DPP6: variants seen among roughly 807,000 people sequenced by gnomAD.
The protein encoded by DPP6 is A-type potassium channel modulatory protein DPP6.
A neutral mutation model predicts 122.6 loss-of-function variants in DPP6; 69 were observed. The ratio of observed to expected loss-of-function variants is 0.56; its 90% CI spans 0.46 to 0.69. DPP6 has a LOEUF of 0.69. DPP6 is among the 30% of genes least tolerant of loss of function. The pLI is 0.00. For missense variants in DPP6, 928 were observed against 1,116.9 expected (o/e 0.83, Z 2.41); for synonymous variants, 418 against 433.1 (o/e 0.97, Z 0.43).
Position 154,868,047 on chromosome 7 carries a change from A to G in DPP6, c.1767A>G (p.Arg589=), listed in dbSNP as rs746322800. Reference sequence around the variant, plus strand: ...ATGTCAAGAAGGCCATAAATGACCGACAGATGCCTAAAGTGGAATACAGGG... The same window carrying G: ...ATGTCAAGAAGGCCATAAATGACCGGCAGATGCCTAAAGTGGAATACAGGG... ...NEHVKKAIND[R]QMPKVEYRDI... Residue 589 remains arginine (R), a synonymous_variant, in exon 18 of 26, where the codon CGA becomes CGG. Transcript: ENST00000377770. The G allele has an allele frequency of 6.2e-7, 1 of 1,609,830 alleles. No homozygotes were observed. The highest frequency in any genetic ancestry group is 1.1e-5 in the South Asian group (1 of 89,522).
intron 1 of DPP6, among the ~76,000 whole-genome samples, chr7:154,311,768 T>G (rs1806914109): frequency 6.6e-6 from 1 of 152,164 alleles, no homozygotes. Context: ...GGTAGGCCCT[T>G]AATCTCCACT....
At chr7:154,531,512 C>A (rs1358324595) in intron 3 of DPP6, among the ~76,000 whole-genome samples, 3 of 152,062 alleles carry the variant, frequency 2.0e-5, no homozygotes, top group Non-Finnish European at 1.5e-5. Context: ...TGCCAGCAGA[C>A]CCATACAAAA....
Position 154,498,618 on chromosome 7 carries a change from G to A in DPP6, c.457+23581G>A, listed in dbSNP as rs145054317. Among the ~76,000 whole-genome samples, 719 of 152,198 alleles carry A rather than the reference G, an allele frequency of 4.7e-3. 3 individuals carry two copies. The highest frequency in any genetic ancestry group is 0.014 in the Middle Eastern group (4 of 294). On this transcript the variant is annotated intron_variant, in intron 3 of 25. Transcript: ENST00000377770. ...CTCCCAAAGTGCTGAGATTACAGGCGTGAGCCACCAAGCCCAGCCAGATAG... is the reference window on the plus strand; with the variant it reads ...CTCCCAAAGTGCTGAGATTACAGGCATGAGCCACCAAGCCCAGCCAGATAG...
chr7:153,920,563 C>CTTTTTTTTTTTTTTTTTTT (rs61553100), intron 1 of DPP6, among the ~76,000 whole-genome samples: 19 of 88,680 alleles, frequency 2.1e-4, no homozygotes, highest in East Asian at 3.3e-4. Flanking sequence ...TTATCTCTCT[C>CTTTTTTTTTTTTTTTTTTT]TTTTTTTTTT....
At chr7:154,597,799 T>A (rs1833191797) in intron 5 of DPP6, among the ~76,000 whole-genome samples, 1 of 152,158 alleles carries the variant, frequency 6.6e-6, no homozygotes, top group Non-Finnish European at 1.5e-5. Flanking sequence ...GCCTCCTTCC[T>A]GCATCTGGTG....
chr7:154,566,447 A>G (rs1035454072), intron 4 of DPP6, among the ~76,000 whole-genome samples: 4 of 151,926 alleles, frequency 2.6e-5, no homozygotes, highest in African/African-American at 9.7e-5. Context: ...ACACCTAGCT[A>G]ATTTTGTATT....
intron 5 of DPP6, among the ~76,000 whole-genome samples, chr7:154,595,136 C>T (rs1833018125): frequency 6.6e-6 from 1 of 152,108 alleles, no homozygotes; most frequent in African/African-American, 2.4e-5. Flanking sequence ...TGTGTCTGTG[C>T]TCACACTGGC....
the DPP6 span, among the ~76,000 whole-genome samples, chr7:153,835,407 A>T: frequency 6.6e-6 from 1 of 152,146 alleles, no homozygotes; most frequent in African/African-American, 2.4e-5. Context: ...GAAAAAAAAA[A>T]AAGGATCTGT....
intron 3 of DPP6, among the ~76,000 whole-genome samples, chr7:154,485,703 T>TTTC (rs1823725744): frequency 6.6e-6 from 1 of 152,214 alleles, no homozygotes; most frequent in Admixed American, 6.5e-5. Flanking sequence ...GCGGAAGCAA[T>TTTC]AATTGCAACA....
At chr7:154,090,925 C>T (rs1256353750) in intron 1 of DPP6, among the ~76,000 whole-genome samples, 3 of 149,042 alleles carry the variant, frequency 2.0e-5, no homozygotes, top group Non-Finnish European at 4.5e-5. Context: ...TCGAGACCAT[C>T]CTGGCTAACA....
Position 154,481,664 on chromosome 7 carries a change from C to T in DPP6, c.457+6627C>T, listed in dbSNP as rs989874547. Among the ~76,000 whole-genome samples, 10 of 152,078 alleles carry T rather than the reference C, an allele frequency of 6.6e-5. No individual in the cohort carries two copies. The highest frequency in any genetic ancestry group is 1.0e-4 in the Non-Finnish European group (7 of 68,024). ...CTTCAGAAGTCCATCTTCTTTTCCC[C>T]CAGAGTGGCTCTTACATAGGATGTT... On this transcript the variant is annotated intron_variant, in intron 3 of 25. Coordinates refer to ENST00000377770, the MANE Select transcript of DPP6 (RefSeq NM_130797.4). The surrounding 1 kb of genome is among the most constrained non-coding windows in gnomAD (Gnocchi z 4.2).
chr7:154,101,297 G>A (rs1420072847), intron 1 of DPP6, among the ~76,000 whole-genome samples: 1 of 137,842 alleles, frequency 7.3e-6, no homozygotes, highest in Non-Finnish European at 1.6e-5. Flanking sequence ...GAACAGACCT[G>A]CCTTATTTAC....
At chr7:154,868,743 G>C (rs932939364) in intron 18 of DPP6, among the ~76,000 whole-genome samples, 4 of 152,206 alleles carry the variant, frequency 2.6e-5, no homozygotes, top group African/African-American at 9.6e-5. Flanking sequence ...CCTCCGCACA[G>C]ATGGCTCCCA....
chr7:154,139,187 A>G (rs1483021615), intron 1 of DPP6, among the ~76,000 whole-genome samples: 3 of 150,878 alleles, frequency 2.0e-5, no homozygotes, highest in Middle Eastern at 3.4e-3. Context: ...AGTCGCATGC[A>G]GGCCATCTGC....
intron 2 of DPP6, among the ~76,000 whole-genome samples, chr7:154,464,450 T>C (rs139434315): frequency 5.8e-4 from 89 of 152,358 alleles, no homozygotes; most frequent in South Asian, 1.2e-3. Context: ...AGCTGCTTTT[T>C]CCTGTGAATA....
At chr7:154,309,220 T>C (rs1314359994) in intron 1 of DPP6, among the ~76,000 whole-genome samples, 1 of 152,236 alleles carries the variant, frequency 6.6e-6, no homozygotes, top group Non-Finnish European at 1.5e-5. Context: ...TTAACTTCCT[T>C]AGACCTGAAA....
chr7:154,042,153 A>G (rs1279245643), intron 1 of DPP6, among the ~76,000 whole-genome samples: 1 of 152,202 alleles, frequency 6.6e-6, no homozygotes, highest in African/African-American at 2.4e-5. Flanking sequence ...TGATGTTGGC[A>G]GGCCAGGGGA....
At chr7:154,344,154 C>T (rs1810187203) in intron 1 of DPP6, among the ~76,000 whole-genome samples, 1 of 152,166 alleles carries the variant, frequency 6.6e-6, no homozygotes, top group African/African-American at 2.4e-5. Context: ...GCAGTCATTC[C>T]TGTTAAGGTT....
In DPP6 at chr7:154,733,286, G is replaced by A. The variant is rs138053255; in HGVS notation, c.883+5399G>A. Among the ~76,000 whole-genome samples the A allele has an allele frequency of 3.9e-4, 59 of 152,344 alleles. No individual in the cohort carries two copies. The East Asian group carries it at 8.9e-3, about 23-fold the overall frequency. ...TGGAACTCAGAATGCTCTCATTAGC[G>A]ATGTAGTCAGGCCCACTGTACAAGG... On this transcript the variant is annotated intron_variant, in intron 8 of 25. Coordinates refer to ENST00000377770, the MANE Select transcript of DPP6 (RefSeq NM_130797.4).
Sources: allele counts gnomAD v4.1 joint callset (sites outside exome capture counted in the v4.1 genomes callset), GRCh38; gene constraint gnomAD v4.1.1; non-coding constraint Gnocchi (gnomAD v3.1); transcripts MANE v1.5; gene names NCBI Gene and HGNC (gene_info 2026-07-23, HGNC 2026-07-21).